Variants in DHCR7 observed in about 807,000 individuals in gnomAD.
DHCR7 encodes 7-dehydrocholesterol reductase.
Under a neutral mutation model 43.3 loss-of-function variants are expected in DHCR7, and 40 were observed. The observed-to-expected ratio is 0.92, with a 90% CI of 0.72 to 1.20. DHCR7 has a LOEUF of 1.20. DHCR7 is among the 50% of genes most tolerant of loss of function. DHCR7 has a pLI of 0.00. For synonymous variants in DHCR7, 298 were observed against 271.4 expected (o/e 1.10, Z -0.96); for missense variants, 608 against 644.6 (o/e 0.94, Z 0.62).
At chr11:71,429,135 G>T (rs1289114373) in intron 2 of DHCR7, among the ~76,000 whole-genome samples, 1 of 152,214 alleles carries the variant, frequency 6.6e-6, no homozygotes, top group Admixed American at 6.5e-5. Flanking sequence ...TCCTGGCTGT[G>T]GGGATTTGCA....
At chr11:71,429,876 C>G (rs1425672270), downstream of DHCR7, among the ~76,000 whole-genome samples, 1 of 152,218 alleles carries the variant, frequency 6.6e-6, no homozygotes, top group South Asian at 2.1e-4. Context: ...ACCCCCACCC[C>G]TGACCACTTC....
chr11:71,436,837 A>AGGG (rs1949287271), intron 8 of DHCR7, among the ~76,000 whole-genome samples: 2 of 152,160 alleles, frequency 1.3e-5, no homozygotes, highest in South Asian at 4.1e-4. Context: ...CTTGGGAGAA[A>AGGG]CCTAATATAT....
chr11:71,433,978 G>A (rs1358244156), downstream of DHCR7, among the ~76,000 whole-genome samples: 1 of 152,236 alleles, frequency 6.6e-6, no homozygotes, highest in Non-Finnish European at 1.5e-5. Flanking sequence ...GAGGCGGCCT[G>A]GCTGTGGGAC....
At chr11:71,441,182 G>C (rs763701136) in intron 6 of DHCR7, 45 bp downstream of exon 6, 1 of 1,588,874 alleles carries the variant, frequency 6.3e-7, no homozygotes, top group South Asian at 1.1e-5. Flanking sequence ...CAGGGGTGAA[G>C]TTTGCACTTT....
In DHCR7 at chr11:71,435,137, T is replaced by C. The variant is rs1191724954; in HGVS notation, c.*238A>G. On this transcript the variant is annotated 3_prime_UTR_variant, in exon 9 of 9. Coordinates refer to ENST00000355527, the MANE Select transcript of DHCR7 (RefSeq NM_001360.3). ...ATCCTCCTGCCCCAGGGACACTGAT[T>C]AGAGAAAATCCGTCTGTGCTGGCAA... is the stretch of plus-strand genomic sequence containing the variant. The C allele has an allele frequency of 1.6e-5, 11 of 681,748 alleles. No homozygotes were observed. The highest frequency in any genetic ancestry group is 1.2e-4 in the Admixed American group (6 of 49,200). The allele number at this position is 681,748 out of a possible 1,614,324, so 42.2% of individuals were successfully genotyped here. A position where few individuals can be genotyped will look rare whatever the true frequency, so the allele number is the denominator to read the frequency against.
intron 3 of DHCR7, 132 bp from the exon 4 acceptor site, chr11:71,444,347 T>G: frequency 2.7e-6 from 2 of 751,476 alleles, no homozygotes; most frequent in Non-Finnish European, 4.6e-6. Flanking sequence ...CATTAGCTCC[T>G]AGCACGGGCC....
In DHCR7 at chr11:71,437,905, C is replaced by T. The variant is rs774187452; in HGVS notation, c.870G>A (p.Trp290Ter). 5.0e-6 allele frequency: 8 copies of T among 1,613,886 alleles called. No individual in the cohort carries two copies. The highest frequency in any genetic ancestry group is 6.8e-6 in the Non-Finnish European group (8 of 1,180,022). ...GGCAGATGTCAATGGTCTTCAGGTA[C>T]CAGGTTTCGTTCCAGAAGAAGTCAA... is the stretch of plus-strand genomic sequence containing the variant. ...YVIDFFWNETWYLKTIDICHD... is the reference protein window; with the variant it reads ...YVIDFFWNET Residue 290 changes from tryptophan to a stop codon, truncating the protein, a stop_gained, in exon 8 of 9, where the codon TGG becomes TGA. Coordinates refer to ENST00000355527, the MANE Select transcript of DHCR7 (RefSeq NM_001360.3). LOFTEE classifies it high-confidence loss of function.
At chr11:71,439,503 C>T (rs1049088746) in intron 6 of DHCR7, among the ~76,000 whole-genome samples, 15 of 152,196 alleles carry the variant, frequency 9.9e-5, no homozygotes, top group Admixed American at 2.0e-4. Context: ...GGTTTGAAGC[C>T]GACGCAGGGC....
At chr11:71,436,075 A>G (rs1246491743) in intron 8 of DHCR7, 6 of 569,134 alleles carry the variant, frequency 1.1e-5, no homozygotes, top group Non-Finnish European at 1.9e-5. Flanking sequence ...GTGTATATAT[A>G]CCCCCTATAT....
rs747133004 is a variant in DHCR7, at chr11:71,439,022, C to T, written c.688G>A (p.Gly230Arg). ...AACAGCTTGAAGTCAAACCACTTCC[C>T]GATCCGAGGGTTAAACTCGATGCCC... is the stretch of plus-strand genomic sequence containing the variant. ...MMGIEFNPRIGKWFDFKLFFN... is the reference protein window; with the variant it reads ...MMGIEFNPRIRKWFDFKLFFN... The change falls in exon 7 of 9, where the codon GGG (glycine) becomes AGG (arginine). Residue 230 changes from glycine (G) to arginine (R), a missense_variant. Coordinates refer to ENST00000355527, the MANE Select transcript of DHCR7 (RefSeq NM_001360.3). 1.5e-5 allele frequency: 24 copies of T among 1,613,992 alleles called. No homozygotes were observed. Among genetic ancestry groups the T allele is most frequent in the Non-Finnish European group, 1.7e-5 (20 of 1,180,054 alleles).
At chr11:71,427,864 C>T (rs1404885268), downstream of DHCR7, among the ~76,000 whole-genome samples, 2 of 152,118 alleles carry the variant, frequency 1.3e-5, no homozygotes, top group Non-Finnish European at 2.9e-5. Context: ...GGAGTGCTGG[C>T]CTTATACCGT....
Position 71,442,315 on chromosome 11 carries a change from C to T in DHCR7, c.360G>A (p.Lys120=), listed in dbSNP as rs201227366. 5 of 1,613,960 alleles carry T rather than the reference C, an allele frequency of 3.1e-6. No homozygotes were observed. Among genetic ancestry groups the T allele is most frequent in the African/African-American group, 1.3e-5 (1 of 75,018 alleles). ...LYTSLPDFCH[K]FLPGYVGGIQ... ...TGCCTCCTACGTAGCCGGGTAGAAA[C>T]TTATGGCAGAAGTCAGGGAGAGACG... Residue 120 remains lysine (K), a synonymous_variant, in exon 5 of 9, where the codon AAG becomes AAA. Transcript: ENST00000355527.
At position 71,435,843 on chromosome 11, in the gene DHCR7, G is replaced by A. The variant is rs762215750; in HGVS notation, c.964-4C>T. ...GGTGGTACACCAAGTACAGACCCTG[G>A]GGGGCGAGGGGGAAGGGGTCAAGCG... On this transcript the variant is annotated splice_polypyrimidine_tract_variant and splice_region_variant and intron_variant, in intron 8 of 8. Coordinates refer to ENST00000355527, the MANE Select transcript of DHCR7 (RefSeq NM_001360.3). 5.0e-6 allele frequency: 8 copies of A among 1,597,596 alleles called. No homozygotes were observed. Among genetic ancestry groups the A allele is most frequent in the African/African-American group, 1.3e-5 (1 of 74,866 alleles).
chr11:71,445,992 A>G (rs556596210), intron 2 of DHCR7, among the ~76,000 whole-genome samples: 1 of 152,306 alleles, frequency 6.6e-6, no homozygotes, highest in South Asian at 2.1e-4. Context: ...GGACAACAAC[A>G]TAGGATCCAG....
At chr11:71,442,160 T>C (rs1049271219) in intron 5 of DHCR7, 103 bp downstream of exon 5, 1 of 908,298 alleles carries the variant, frequency 1.1e-6, no homozygotes, top group African/African-American at 1.6e-5. Flanking sequence ...TGGATTTCTA[T>C]CCTGTGACAA....
At chr11:71,448,165 G>C (rs1949424507) in intron 1 of DHCR7, 125 bp downstream of exon 1, 1 of 151,766 alleles carries the variant, frequency 6.6e-6, no homozygotes, top group Non-Finnish European at 1.5e-5. Flanking sequence ...CTCCCCACCT[G>C]CGCGCACGCC....
downstream of DHCR7, among the ~76,000 whole-genome samples, chr11:71,432,534 T>C (rs1790348): frequency 0.84 from 127,930 of 152,206 alleles, 55,097 homozygotes; most frequent in Non-Finnish European, 0.95. Context: ...CATAACTTCA[T>C]CTGTGTATTT....
chr11:71,434,325 A>C (rs1002716241), downstream of DHCR7: 1 of 152,284 alleles, frequency 6.6e-6, no homozygotes, highest in Non-Finnish European at 1.5e-5. Context: ...TCATACCAGA[A>C]ACAGAGCCCA....
In DHCR7 at chr11:71,439,027, C is replaced by T. The variant is rs201556114; in HGVS notation, c.683G>A (p.Arg228Gln). The change falls in exon 7 of 9, where the codon CGG (arginine) becomes CAG (glutamine). Residue 228 changes from arginine to glutamine, a missense_variant. Coordinates refer to ENST00000355527, the MANE Select transcript of DHCR7 (RefSeq NM_001360.3). ...CTTGAAGTCAAACCACTTCCCGATC[C>T]GAGGGTTAAACTCGATGCCCATCAT... is the stretch of plus-strand genomic sequence containing the variant. Reference protein sequence around the residue: ...NYMMGIEFNPRIGKWFDFKLF... With the variant: ...NYMMGIEFNPQIGKWFDFKLF... The T allele has an allele frequency of 2.0e-5, 33 of 1,614,062 alleles. No individual in the cohort carries two copies. In the East Asian group the frequency reaches 6.0e-4, roughly 29 times the overall value.
Sources: gnomAD v4.1 joint callset for allele counts (sites outside exome capture counted in the v4.1 genomes callset) on GRCh38, gnomAD v4.1.1 for gene constraint, MANE v1.5 for transcripts, NCBI Gene and HGNC (gene_info 2026-07-23, HGNC 2026-07-21) for gene names.